KCTD14: variants seen among roughly 807,000 people sequenced by gnomAD.
The protein encoded by KCTD14 is potassium channel tetramerization domain containing 14.
In KCTD14, 7 loss-of-function variants were observed where a neutral mutation model predicts 5.9. That is an observed-to-expected ratio of 1.19 (90% confidence interval 0.68 to 2.23). KCTD14 has a LOEUF of 2.23. Among genes scored for constraint, KCTD14 ranks in the 30% most tolerant of loss-of-function variants. KCTD14 has a pLI of 0.00. For synonymous variants in KCTD14, 140 were observed against 133.1 expected (o/e 1.05, Z -0.36); for missense variants, 342 against 332.2 (o/e 1.03, Z -0.23).
intron 1 of KCTD14, among the ~76,000 whole-genome samples, chr11:78,042,826 G>A (rs756918781): frequency 1.3e-5 from 2 of 152,216 alleles, no homozygotes; most frequent in Admixed American, 1.3e-4. Context: ...TTTTCTAGAC[G>A]AGTTTGAGGA....
At chr11:78,025,118 G>GTATATATATA (rs369374652), upstream of KCTD14, among the ~76,000 whole-genome samples, 49 of 44,466 alleles carry the variant, frequency 1.1e-3, no homozygotes, top group African/African-American at 1.3e-3. Context: ...GTGTGTGTGT[G>GTATATATATA]TATATATATA....
intron 2 of KCTD14, among the ~76,000 whole-genome samples, chr11:78,033,901 G>GTGTGTGTA: frequency 4.2e-4 from 49 of 115,586 alleles, no homozygotes; most frequent in East Asian, 1.0e-3. Flanking sequence ...GTGTGTGTGT[G>GTGTGTGTA]TATATATATA....
intron 2 of KCTD14, among the ~76,000 whole-genome samples, chr11:78,033,482 G>A (rs1192622131): frequency 1.3e-5 from 2 of 152,032 alleles, no homozygotes; most frequent in Non-Finnish European, 2.9e-5. Flanking sequence ...AGGAGTTCAA[G>A]ACCAGCCTGG....
At chr11:78,025,154 AT>A (rs1857432607), upstream of KCTD14, among the ~76,000 whole-genome samples, 1 of 134,256 alleles carries the variant, frequency 7.4e-6, no homozygotes, top group Non-Finnish European at 1.6e-5. Flanking sequence ...ATATATATAT[AT>A]AAAGGGGAGT....
intron 2 of KCTD14, among the ~76,000 whole-genome samples, chr11:78,037,827 A>T (rs925490794): frequency 6.6e-6 from 1 of 152,006 alleles, no homozygotes; most frequent in Non-Finnish European, 1.5e-5. Context: ...TTCAAAAATA[A>T]ATAAATAAAA....
intron 1 of KCTD14, among the ~76,000 whole-genome samples, chr11:78,019,634 A>G (rs1217111255): frequency 6.6e-6 from 1 of 152,210 alleles, no homozygotes; most frequent in African/African-American, 2.4e-5. Context: ...AATTTGTTTG[A>G]TGAATGTTTT....
intron 1 of KCTD14, among the ~76,000 whole-genome samples, chr11:78,044,756 G>C (rs1040703922): frequency 3.3e-5 from 5 of 152,136 alleles, no homozygotes; most frequent in Non-Finnish European, 7.3e-5. Flanking sequence ...AAAAGTTTTA[G>C]AGCAGGAACA....
upstream of KCTD14, among the ~76,000 whole-genome samples, chr11:78,025,116 GTGTATATA>G (rs1408381216): frequency 1.8e-3 from 123 of 68,528 alleles, 1 homozygote; most frequent in Middle Eastern, 0.014. Context: ...GTGTGTGTGT[GTGTATATA>G]TATATATATA....
intron 1 of KCTD14, among the ~76,000 whole-genome samples, chr11:78,021,859 C>G (rs917996370): frequency 2.0e-5 from 3 of 152,166 alleles, no homozygotes; most frequent in African/African-American, 7.2e-5. Context: ...GCTACTTCAC[C>G]CCTCGCAATC....
rs1300133151 is a variant in KCTD14, at chr11:78,017,118, G to C, written c.243C>G (p.Arg81=). The C allele has an allele frequency of 1.9e-6, 3 of 1,614,174 alleles. No homozygotes were observed. Among genetic ancestry groups the C allele is most frequent in the Non-Finnish European group, 2.5e-6 (3 of 1,180,028 alleles). The change falls in exon 2 of 2, where the codon CGC becomes CGG. Residue 81 remains arginine (R), a synonymous_variant. Transcript: ENST00000353172. The part of the protein sequence containing the change: ...TDAEGRFFID[R]PSTYFRPILD... Reference sequence around the variant, plus strand: ...GGATGGGTCTGAAATAGGTGCTGGGGCGGTCGATGAAGAAGCGGCCCTCCG... The same window carrying C: ...GGATGGGTCTGAAATAGGTGCTGGGCCGGTCGATGAAGAAGCGGCCCTCCG...
At chr11:78,038,670 G>C (rs1016628129) in exon 2 of KCTD14, 1 of 1,535,612 alleles carries the variant, frequency 6.5e-7, no homozygotes, top group Non-Finnish European at 8.7e-7. Flanking sequence ...ATACCTAATG[G>C]GTGGTGGCAG....
In KCTD14 at chr11:78,038,908, G is replaced by T. The variant is rs1473784568; in HGVS notation, c.-95-150C>A. 9.0e-6 allele frequency: 8 copies of T among 893,244 alleles called. No homozygotes were observed. The East Asian group carries it at 1.3e-4, about 15-fold the overall frequency. 55.3% of individuals were successfully genotyped at this position (893,244 alleles called of 1,614,324 possible). A position where few individuals can be genotyped will look rare whatever the true frequency, so the allele number is the denominator to read the frequency against. ...GCTGTGGTCACGGTCAGGCCCGGAT[G>T]TACCAGGGGCTGCCAGCAAAAGAAT... On this transcript the variant is annotated intron_variant, in intron 1 of 2. Coordinates refer to the KCTD14 transcript ENST00000533144.
chr11:78,037,593 T>A (rs1857845842), intron 2 of KCTD14, among the ~76,000 whole-genome samples: 1 of 152,144 alleles, frequency 6.6e-6, no homozygotes, highest in Non-Finnish European at 1.5e-5. Flanking sequence ...ACCCTGCCCA[T>A]GTTCCACTTT....
chr11:78,025,118 G>GTGTGTGTGTGTA (rs1230114793), upstream of KCTD14, among the ~76,000 whole-genome samples: 3 of 44,472 alleles, frequency 6.7e-5, no homozygotes, highest in Non-Finnish European at 1.4e-4. Context: ...GTGTGTGTGT[G>GTGTGTGTGTGTA]TATATATATA....
chr11:78,022,235 C>T lies in KCTD14; in HGVS notation c.90+925G>A, dbSNP rs191665869. Among the ~76,000 whole-genome samples the T allele has an allele frequency of 1.6e-4, 25 of 152,092 alleles. No individual in the cohort carries two copies. The East Asian group carries it at 4.4e-3, about 27-fold the overall frequency. Reference sequence around the variant, plus strand: ...ACCAGCCTGGGTCTCACCAACATGGCGAGACCCCATCTCTATTTTAACAAA... The same window carrying T: ...ACCAGCCTGGGTCTCACCAACATGGTGAGACCCCATCTCTATTTTAACAAA... On this transcript the variant is annotated intron_variant, in intron 1 of 1. Coordinates refer to ENST00000353172, the MANE Select transcript of KCTD14 (RefSeq NM_023930.4).
exon 1 of KCTD14, chr11:78,046,144 G>A: frequency 2.0e-6 from 2 of 985,378 alleles, no homozygotes; most frequent in Non-Finnish European, 2.4e-6. Context: ...GGAGTCCACA[G>A]AATCAGTTCG....
chr11:78,017,166 G>A lies in KCTD14; in HGVS notation c.195C>T (p.Ser65=). ...CCGCGTCCGTGGAGGCCTTGGCTAA[G>A]CTAGAGAACATCTCTGCCAGCTTTG... ...PGSKLAEMFS[S]LAKASTDAEG... is the part of the protein sequence containing the mutation. Residue 65 remains serine (S), a synonymous_variant, in exon 2 of 2, where the codon AGC becomes AGT. Transcript: ENST00000353172. 1 of 1,614,130 alleles carries A rather than the reference G, an allele frequency of 6.2e-7. No homozygotes were observed. Among genetic ancestry groups the A allele is most frequent in the Non-Finnish European group, 8.5e-7 (1 of 1,180,002 alleles).
chr11:78,032,325 C>A (rs1362349115), intron 2 of KCTD14, among the ~76,000 whole-genome samples: 1 of 152,222 alleles, frequency 6.6e-6, no homozygotes, highest in East Asian at 1.9e-4. Flanking sequence ...GGAAGCCAGG[C>A]ATTTCCCCAG....
At chr11:78,034,274 C>T (rs1053593219) in intron 2 of KCTD14, among the ~76,000 whole-genome samples, 5 of 152,140 alleles carry the variant, frequency 3.3e-5, no homozygotes, top group Non-Finnish European at 5.9e-5. Context: ...AGGTGCATAG[C>T]ACCATGCCTG....
Sources: gnomAD v4.1 joint callset for allele counts (sites outside exome capture counted in the v4.1 genomes callset) on GRCh38, gnomAD v4.1.1 for gene constraint, MANE v1.5 for transcripts, NCBI Gene and HGNC (gene_info 2026-07-23, HGNC 2026-07-21) for gene names.